The following SORCS2 variants were observed in gnomAD, a reference collection of about 807,000 sequenced individuals.
SORCS2 encodes the protein VPS10 domain-containing receptor SorCS2.
A neutral mutation model predicts 141.6 loss-of-function variants in SORCS2; 100 were observed. The ratio of observed to expected loss-of-function variants is 0.71; its 90% confidence interval spans 0.60 to 0.83. The LOEUF is 0.83. SORCS2 is among the 40% of genes least tolerant of loss of function. The probability of loss-of-function intolerance (pLI) is 0.00; values close to 1 mark genes in which losing one functional copy is unlikely to be tolerated. For synonymous variants in SORCS2, 789 were observed against 676.9 expected (o/e 1.17, Z -2.57); for missense variants, 1,646 against 1,560.2 (o/e 1.05, Z -0.93).
At chr4:7,351,907 T>A (rs1272795804) in intron 1 of SORCS2, among the ~76,000 whole-genome samples, 1 of 152,104 alleles carries the variant, frequency 6.6e-6, no homozygotes, top group Non-Finnish European at 1.5e-5. Context: ...CTGTCTACTG[T>A]CCATCTACCT....
chr4:7,390,561 T>C (rs1293467658), intron 1 of SORCS2, among the ~76,000 whole-genome samples: 2 of 152,314 alleles, frequency 1.3e-5, no homozygotes, highest in African/African-American at 2.4e-5. Flanking sequence ...AAAGGGATTA[T>C]TGCGCGTCTC....
intron 2 of SORCS2, among the ~76,000 whole-genome samples, chr4:7,513,503 G>T (rs1363428118): frequency 1.3e-5 from 2 of 152,220 alleles, no homozygotes; most frequent in Admixed American, 6.5e-5. Flanking sequence ...GGGACTGCTG[G>T]CCCCCATGTG....
At chr4:7,262,324 A>G (rs1240147094) in intron 1 of SORCS2, among the ~76,000 whole-genome samples, 1 of 147,800 alleles carries the variant, frequency 6.8e-6, no homozygotes, top group Non-Finnish European at 1.5e-5. Context: ...CTATCCATCC[A>G]TCCATCCATC....
intron 12 of SORCS2, among the ~76,000 whole-genome samples, chr4:7,698,685 A>G (rs1358326405): frequency 2.0e-5 from 3 of 152,174 alleles, no homozygotes; most frequent in Non-Finnish European, 4.4e-5. Flanking sequence ...TAAATGGGAG[A>G]GCATCTGGGA....
chr4:7,427,075 G>A (rs919305193), intron 2 of SORCS2, among the ~76,000 whole-genome samples: 8 of 152,114 alleles, frequency 5.3e-5, no homozygotes, highest in African/African-American at 1.4e-4. Context: ...CTTGGGCCAC[G>A]GCCTCCCAGG....
At chr4:7,739,191 T>G (rs1314762603) in intron 26 of SORCS2, among the ~76,000 whole-genome samples, 1 of 152,158 alleles carries the variant, frequency 6.6e-6, no homozygotes, top group Non-Finnish European at 1.5e-5. Flanking sequence ...CAAGCCTGAC[T>G]CAGTGGCTAT....
At chr4:7,720,683 C>G (rs1024808636) in intron 18 of SORCS2, among the ~76,000 whole-genome samples, 2 of 152,180 alleles carry the variant, frequency 1.3e-5, no homozygotes, top group African/African-American at 4.8e-5. Flanking sequence ...AGGAAATGAG[C>G]AGAACTGAAA....
intron 3 of SORCS2, among the ~76,000 whole-genome samples, chr4:7,550,406 T>C (rs1440805449): frequency 1.3e-5 from 2 of 152,220 alleles, no homozygotes; most frequent in South Asian, 2.1e-4. Flanking sequence ...TGGAGCCTCC[T>C]GGGACTCCAA....
intron 1 of SORCS2, among the ~76,000 whole-genome samples, chr4:7,218,242 C>T (rs1006033029): frequency 1.3e-5 from 2 of 152,198 alleles, no homozygotes; most frequent in African/African-American, 4.8e-5. Context: ...GGCCGGCTCA[C>T]CTCCCATCCA....
chr4:7,585,152 C>T (rs1716452526), intron 3 of SORCS2, among the ~76,000 whole-genome samples: 1 of 152,156 alleles, frequency 6.6e-6, no homozygotes, highest in South Asian at 2.1e-4. Context: ...ATATAATTTC[C>T]TCTCTGGGAC....
chr4:7,194,633 G>T (rs1451326914), intron 1 of SORCS2, among the ~76,000 whole-genome samples: 2 of 151,854 alleles, frequency 1.3e-5, no homozygotes, highest in Non-Finnish European at 2.9e-5. Context: ...GCCGGCTGGG[G>T]TGACTTGCAG....
intron 2 of SORCS2, among the ~76,000 whole-genome samples, chr4:7,522,012 C>A (rs1245355539): frequency 6.6e-6 from 1 of 152,254 alleles, no homozygotes; most frequent in Non-Finnish European, 1.5e-5. Flanking sequence ...CACTCTGTTC[C>A]TGCTTCGTGC....
At position 7,353,338 on chromosome 4, in the gene SORCS2, G is replaced by A. The variant is rs975208939; in HGVS notation, c.481-42950G>A. Among the ~76,000 whole-genome samples the A allele has an allele frequency of 1.8e-4, 28 of 152,232 alleles. 1 individual carries two copies. The highest frequency in any genetic ancestry group is 2.0e-4 in the Admixed American group (3 of 15,286). On this transcript the variant is annotated intron_variant, in intron 1 of 26. Coordinates refer to ENST00000507866, the MANE Select transcript of SORCS2 (RefSeq NM_020777.3). ...GGGCCCAGAGGGAAGTCCACTTCCA[G>A]CCTTGGTGCCAAGTGGGACCTGTAG...
chr4:7,381,565 G>A (rs1452925347), intron 1 of SORCS2, among the ~76,000 whole-genome samples: 2 of 152,318 alleles, frequency 1.3e-5, no homozygotes, highest in African/African-American at 4.8e-5. Flanking sequence ...CCTGGCGGAG[G>A]GAGGGTGGCT....
intron 3 of SORCS2, among the ~76,000 whole-genome samples, chr4:7,554,162 T>G (rs1713933502): frequency 6.6e-6 from 1 of 152,082 alleles, no homozygotes; most frequent in Non-Finnish European, 1.5e-5. Flanking sequence ...AAGGGGGCAC[T>G]ACATATCATG....
intron 4 of SORCS2, among the ~76,000 whole-genome samples, chr4:7,649,917 G>A (rs925299192): frequency 3.3e-5 from 5 of 152,250 alleles, no homozygotes; most frequent in African/African-American, 9.6e-5. Flanking sequence ...AGAAGCACGC[G>A]GCACAGAAGA....
intron 3 of SORCS2, among the ~76,000 whole-genome samples, chr4:7,541,979 G>T (rs1483271695): frequency 6.6e-6 from 1 of 152,222 alleles, no homozygotes; most frequent in Admixed American, 6.5e-5. Context: ...CCATGTGCAG[G>T]ACCCCCTGCC....
At chr4:7,472,341 T>G (rs1730026512) in intron 2 of SORCS2, among the ~76,000 whole-genome samples, 1 of 152,010 alleles carries the variant, frequency 6.6e-6, no homozygotes, top group Admixed American at 6.5e-5. Flanking sequence ...GAGCGGGAGT[T>G]TACTGAGTGG....
intron 3 of SORCS2, among the ~76,000 whole-genome samples, chr4:7,563,307 G>A (rs1451858214): frequency 6.6e-5 from 10 of 152,152 alleles, no homozygotes; most frequent in Non-Finnish European, 1.5e-4. Context: ...GCGTGTAGCA[G>A]ATAACATCAC....
Sources: allele counts gnomAD v4.1 joint callset (sites outside exome capture counted in the v4.1 genomes callset), GRCh38; gene constraint gnomAD v4.1.1; transcripts MANE v1.5; gene names NCBI Gene and HGNC (gene_info 2026-07-23, HGNC 2026-07-21).